Variants in CD276 observed in about 807,000 individuals in gnomAD.
The protein encoded by CD276 is CD276 molecule, also known as CD276 antigen.
Under a neutral mutation model 50.0 loss-of-function variants are expected in CD276, and 34 were observed. That is an observed-to-expected ratio of 0.68 (90% CI 0.52 to 0.91). The LOEUF is 0.91. CD276 is among the 40% of genes least tolerant of loss of function. CD276 has a pLI of 0.00. For synonymous variants in CD276, 275 were observed against 313.0 expected (o/e 0.88, Z 1.28); for missense variants, 634 against 717.5 (o/e 0.88, Z 1.33).
At chr15:73,693,089 C>T (rs1260986834) in intron 1 of CD276, among the ~76,000 whole-genome samples, 1 of 152,174 alleles carries the variant, frequency 6.6e-6, no homozygotes, top group Non-Finnish European at 1.5e-5. Context: ...TAGGAACACT[C>T]CTAACCCCGG....
At chr15:73,700,818 G>A (rs1402704590) in intron 2 of CD276, among the ~76,000 whole-genome samples, 1 of 101,256 alleles carries the variant, frequency 9.9e-6, no homozygotes, top group Non-Finnish European at 2.0e-5. Context: ...TGCTTTGCTA[G>A]TGCTCGAAGC....
At chr15:73,685,063 G>C (rs982830440) in intron 1 of CD276, 4 of 152,726 alleles carry the variant, frequency 2.6e-5, no homozygotes, top group Non-Finnish European at 4.4e-5. Context: ...AGCATGAGGG[G>C]TCAGATTCCG....
chr15:73,711,068 CCTGA>C, intron 8 of CD276, 63 bp from the exon 9 acceptor site: 1 of 1,558,224 alleles, frequency 6.4e-7, no homozygotes. Context: ...CCTCCCTCTG[CCTGA>C]CTCCCTACCC....
At chr15:73,699,556 G>A in intron 1 of CD276, 30 bp from the exon 2 acceptor site, 1 of 1,560,112 alleles carries the variant, frequency 6.4e-7, no homozygotes, top group Non-Finnish European at 8.6e-7. Flanking sequence ...AACCTTTGGA[G>A]ACAAAGGCCT....
chr15:73,699,300 A>C (rs367567728), intron 1 of CD276, among the ~76,000 whole-genome samples: 2 of 152,264 alleles, frequency 1.3e-5, no homozygotes, highest in African/African-American at 2.4e-5. Context: ...CCTTGCCTTC[A>C]CTTGCCGCCT....
intron 1 of CD276, among the ~76,000 whole-genome samples, chr15:73,689,950 C>T (rs1280899168): frequency 6.6e-6 from 1 of 152,198 alleles, no homozygotes; most frequent in Non-Finnish European, 1.5e-5. Context: ...CAGGATATCT[C>T]TGTTGTTGCT....
chr15:73,696,182 G>C (rs944743099), intron 1 of CD276, among the ~76,000 whole-genome samples: 10 of 152,230 alleles, frequency 6.6e-5, no homozygotes, highest in African/African-American at 2.4e-4. Flanking sequence ...CGAGGAGTGG[G>C]CACTGGCAGG....
rs1252428279 is a variant in CD276 at position 73,702,893 on chromosome 15, T to C, written c.540T>C (p.Asp180=). The change falls in exon 4 of 10, where the codon GAT becomes GAC. Residue 180 remains aspartate (D), a synonymous_variant. Transcript: ENST00000318443. Reference sequence around the variant, plus strand: ...CTGAGGCTGAGGTGTTCTGGCAGGATGGGCAGGGTGTGCCCCTGACTGGCA... The same window carrying C: ...CTGAGGCTGAGGTGTTCTGGCAGGACGGGCAGGGTGTGCCCCTGACTGGCA... ...GYPEAEVFWQ[D]GQGVPLTGNV... 2.5e-6 allele frequency: 4 copies of C among 1,613,962 alleles called. No homozygotes were observed. In the East Asian group the frequency reaches 6.7e-5, roughly 27 times the overall value.
intron 1 of CD276, among the ~76,000 whole-genome samples, chr15:73,693,738 G>T (rs1596005500): frequency 6.6e-6 from 1 of 152,102 alleles, no homozygotes; most frequent in Non-Finnish European, 1.5e-5. Flanking sequence ...TGGTCCAAGG[G>T]GTCACATGAG....
At chr15:73,685,301 G>C (rs184680524) in intron 1 of CD276, among the ~76,000 whole-genome samples, 3 of 152,214 alleles carry the variant, frequency 2.0e-5, no homozygotes, top group Non-Finnish European at 4.4e-5. Context: ...CCCTGCGACC[G>C]TTTAGCTAGC....
At chr15:73,710,703 G>A (rs978060785) in intron 8 of CD276, among the ~76,000 whole-genome samples, 1 of 152,244 alleles carries the variant, frequency 6.6e-6, no homozygotes. Context: ...AGAGGCAGAT[G>A]TAGTTGGCAG....
At chr15:73,708,194 A>G (rs1596019546) in intron 6 of CD276, 145 bp from the exon 7 acceptor site, 1 of 805,384 alleles carries the variant, frequency 1.2e-6, no homozygotes, top group Non-Finnish European at 1.9e-6. Flanking sequence ...TGGCGAAGGG[A>G]CTGTAGGAAC....
Position 73,703,991 on chromosome 15 carries a change from G to C in CD276, c.1066G>C (p.Val356Leu), listed in dbSNP as rs779840892. Residue 356 changes from valine to leucine, a missense_variant, in exon 5 of 10, where the codon GTG becomes CTG. Coordinates refer to ENST00000318443, the MANE Select transcript of CD276 (RefSeq NM_001024736.2). ...CGGCAGCGCTGCCGTCAGCCTGCAG[G>C]TGGCCGGTGAGCACCAGGAGGGCGA... ...DFGSAAVSLQVAAPYSKPSMT... is the reference protein window; with the variant it reads ...DFGSAAVSLQLAAPYSKPSMT... 1 of 1,608,916 alleles carries C rather than the reference G, an allele frequency of 6.2e-7. No individual in the cohort carries two copies. The highest frequency in any genetic ancestry group is 1.1e-5 in the South Asian group (1 of 90,770).
intron 1 of CD276, among the ~76,000 whole-genome samples, chr15:73,694,702 G>A (rs1900114514): frequency 6.6e-6 from 1 of 152,110 alleles, no homozygotes; most frequent in Non-Finnish European, 1.5e-5. Flanking sequence ...GGGAGGGGAG[G>A]GCATGCTTCT....
Position 73,713,089 on chromosome 15 carries a change from A to G in CD276, c.*133A>G. On this transcript the variant is annotated 3_prime_UTR_variant, in exon 10 of 10. Transcript: ENST00000318443. ...GTGGGCTCCTTCTCCAAAGGATGCG[A>G]TACACAGACCACTGTGCAGCCTTAT... 1.4e-6 allele frequency: 1 copy of G among 723,438 alleles called. No homozygotes were observed. The highest frequency in any genetic ancestry group is 2.3e-6 in the Non-Finnish European group (1 of 433,834). 44.8% of individuals were successfully genotyped at this position (723,438 alleles called of 1,614,324 possible). A position where few individuals can be genotyped will look rare whatever the true frequency, so the allele number is the denominator to read the frequency against.
rs763918983 is a variant in CD276 at position 73,703,021 on chromosome 15, G to A, written c.668G>A (p.Arg223His). 19 of 1,613,626 alleles carry A rather than the reference G, an allele frequency of 1.2e-5. No homozygotes were observed. Among genetic ancestry groups the A allele is most frequent in the African/African-American group, 2.7e-5 (2 of 74,916 alleles). Residue 223 changes from arginine to histidine, a missense_variant, in exon 4 of 10, where the codon CGC (arginine) becomes CAC (histidine). Coordinates refer to ENST00000318443, the MANE Select transcript of CD276 (RefSeq NM_001024736.2). ...AATGGCACCTACAGCTGCCTGGTGC[G>A]CAACCCCGTGCTGCAGCAGGATGCG... ...GANGTYSCLVRNPVLQQDAHS... is the reference protein window; with the variant it reads ...GANGTYSCLVHNPVLQQDAHS...
intron 1 of CD276, among the ~76,000 whole-genome samples, chr15:73,694,665 C>A (rs978081836): frequency 3.3e-5 from 5 of 152,090 alleles, no homozygotes; most frequent in Admixed American, 1.3e-4. Context: ...CATCTATGTT[C>A]CAGCCAGTGG....
Position 73,687,095 on chromosome 15 carries a change from G to A in CD276, c.-55+2635G>A, listed in dbSNP as rs1899800975. Among the ~76,000 whole-genome samples, 1 of 152,164 alleles carries A rather than the reference G, an allele frequency of 6.6e-6. No homozygotes were observed. Among genetic ancestry groups the A allele is most frequent in the Non-Finnish European group, 1.5e-5 (1 of 68,028 alleles). On this transcript the variant is annotated intron_variant, in intron 1 of 9. Coordinates refer to ENST00000318443, the MANE Select transcript of CD276 (RefSeq NM_001024736.2). This position sits in a 1 kb window ranked among gnomAD's most constrained non-coding sequence, Gnocchi z 4.0. ...TTTTTGAGAAATTGCCTTTGGTCTT[G>A]TTGGCTCAGAATGGACCCCACACCT...
At chr15:73,701,685 G>A (rs1053391547) in intron 2 of CD276, among the ~76,000 whole-genome samples, 3 of 151,992 alleles carry the variant, frequency 2.0e-5, no homozygotes, top group East Asian at 1.9e-4. Flanking sequence ...TTAAAGGTAC[G>A]GGTATTCTTT....
Sources: gnomAD v4.1 joint callset for allele counts (sites outside exome capture counted in the v4.1 genomes callset) on GRCh38, gnomAD v4.1.1 for gene constraint, Gnocchi (gnomAD v3.1) non-coding constraint, MANE v1.5 for transcripts, NCBI Gene and HGNC (gene_info 2026-07-23, HGNC 2026-07-21) for gene names.